KCND2: variants seen among roughly 807,000 people sequenced by gnomAD.
The protein encoded by KCND2 is potassium voltage-gated channel subfamily D member 2.
Under a neutral mutation model 54.4 loss-of-function variants are expected in KCND2, and 16 were observed. The observed-to-expected ratio is 0.29, with a 90% CI of 0.20 to 0.45. The LOEUF is 0.45. Among genes scored for constraint, KCND2 ranks in the 20% least tolerant of loss-of-function variants. The probability of loss-of-function intolerance (pLI) is 1.00; values close to 1 mark genes in which losing one functional copy is unlikely to be tolerated. For synonymous variants in KCND2, 317 were observed against 310.7 expected (o/e 1.02, Z -0.21); for missense variants, 486 against 824.2 (o/e 0.59, Z 5.02).
intron 1 of KCND2, among the ~76,000 whole-genome samples, chr7:120,502,572 C>T (rs549518059): frequency 6.6e-6 from 1 of 152,138 alleles, no homozygotes; most frequent in Admixed American, 6.6e-5. Flanking sequence ...AATACATTTC[C>T]AGCTTTGGTG....
At chr7:120,408,952 G>A (rs749341109) in intron 1 of KCND2, among the ~76,000 whole-genome samples, 1 of 151,874 alleles carries the variant, frequency 6.6e-6, no homozygotes, top group Non-Finnish European at 1.5e-5. Flanking sequence ...GAAAAAAAGA[G>A]ACAATGATAT....
At chr7:120,653,990 G>C (rs981323979) in intron 1 of KCND2, among the ~76,000 whole-genome samples, 1 of 152,112 alleles carries the variant, frequency 6.6e-6, no homozygotes, top group African/African-American at 2.4e-5. Flanking sequence ...TCTCTACCCA[G>C]CTTTAAATTG....
At chr7:120,494,757 G>T (rs907099047) in intron 1 of KCND2, among the ~76,000 whole-genome samples, 6 of 152,122 alleles carry the variant, frequency 3.9e-5, no homozygotes, top group African/African-American at 1.4e-4. Context: ...TTATTTTTCA[G>T]TGTTCTGGAC....
At chr7:120,367,564 T>TAA (rs1209549564) in intron 1 of KCND2, among the ~76,000 whole-genome samples, 1 of 141,664 alleles carries the variant, frequency 7.1e-6, no homozygotes. Flanking sequence ...AATCCATAGT[T>TAA]AAAAAAAAAA....
At chr7:120,527,059 C>T (rs1448175472) in intron 1 of KCND2, among the ~76,000 whole-genome samples, 2 of 152,032 alleles carry the variant, frequency 1.3e-5, no homozygotes, top group East Asian at 3.9e-4. Flanking sequence ...ATTATGATGG[C>T]ACTTTATCAG....
intron 1 of KCND2, among the ~76,000 whole-genome samples, chr7:120,631,665 A>G (rs1474564490): frequency 2.0e-5 from 3 of 152,162 alleles, no homozygotes; most frequent in South Asian, 4.1e-4. Flanking sequence ...TTTGAACTGC[A>G]TATTTCATCG....
At chr7:120,394,713 A>C (rs1801128419) in intron 1 of KCND2, among the ~76,000 whole-genome samples, 1 of 152,000 alleles carries the variant, frequency 6.6e-6, no homozygotes, top group Admixed American at 6.6e-5. Flanking sequence ...CCCAGGAATA[A>C]GCAAGGGAGA....
chr7:120,321,287 T>C (rs1330215089), intron 1 of KCND2, among the ~76,000 whole-genome samples: 1 of 152,138 alleles, frequency 6.6e-6, no homozygotes, highest in Non-Finnish European at 1.5e-5. Context: ...GTTTTTTCTG[T>C]ATTCATCTTT....
At chr7:120,561,585 A>G (rs928354184) in intron 1 of KCND2, among the ~76,000 whole-genome samples, 2 of 149,650 alleles carry the variant, frequency 1.3e-5, no homozygotes, top group African/African-American at 4.9e-5. Flanking sequence ...ATTCTTAAAC[A>G]TTAAGCTACC....
intron 1 of KCND2, among the ~76,000 whole-genome samples, chr7:120,322,694 G>C (rs1799908010): frequency 6.6e-6 from 1 of 151,762 alleles, no homozygotes; most frequent in Non-Finnish European, 1.5e-5. Flanking sequence ...CTGTTCTCTG[G>C]GTGTTAACTC....
At chr7:120,363,093 G>A (rs1800616660) in intron 1 of KCND2, among the ~76,000 whole-genome samples, 1 of 152,024 alleles carries the variant, frequency 6.6e-6, no homozygotes, top group Non-Finnish European at 1.5e-5. Context: ...TTGAGCTCAG[G>A]AGTTTAAGAC....
intron 1 of KCND2, among the ~76,000 whole-genome samples, chr7:120,328,597 G>A (rs1800015979): frequency 6.6e-6 from 1 of 152,084 alleles, no homozygotes; most frequent in Non-Finnish European, 1.5e-5. Flanking sequence ...AATAATGAAT[G>A]AGTGAGTGAA....
chr7:120,381,539 A>G (rs1378513668), intron 1 of KCND2, among the ~76,000 whole-genome samples: 3 of 152,094 alleles, frequency 2.0e-5, no homozygotes, highest in Non-Finnish European at 4.4e-5. Context: ...ATATAATGTG[A>G]GGAACAAAAG....
intron 1 of KCND2, among the ~76,000 whole-genome samples, chr7:120,624,828 A>G (rs1562891160): frequency 6.6e-6 from 1 of 152,100 alleles, no homozygotes; most frequent in Non-Finnish European, 1.5e-5. Context: ...AAGTCAATCA[A>G]GTATCTTCCA....
chr7:120,527,521 T>C (rs1160512352), intron 1 of KCND2, among the ~76,000 whole-genome samples: 1 of 152,076 alleles, frequency 6.6e-6, no homozygotes, highest in Non-Finnish European at 1.5e-5. Flanking sequence ...CATTGGTAGG[T>C]AATGCAGACA....
intron 1 of KCND2, among the ~76,000 whole-genome samples, chr7:120,626,409 ATG>A (rs968600000): frequency 5.4e-4 from 82 of 152,278 alleles, no homozygotes; most frequent in African/African-American, 1.8e-3. Context: ...ATTTTCGAGT[ATG>A]TATTTCTAAT....
At chr7:120,631,869 G>A (rs1793238141) in intron 1 of KCND2, among the ~76,000 whole-genome samples, 1 of 152,008 alleles carries the variant, frequency 6.6e-6, no homozygotes, top group African/African-American at 2.4e-5. Flanking sequence ...TTCTTACTAA[G>A]GAATAACAGA....
At chr7:120,504,460 T>C (rs1802985594) in intron 1 of KCND2, among the ~76,000 whole-genome samples, 2 of 151,986 alleles carry the variant, frequency 1.3e-5, no homozygotes, top group African/African-American at 4.8e-5. Flanking sequence ...ATACTGCTTC[T>C]TATTGTAAAT....
At chr7:120,565,646 T>C (rs757797441) in intron 1 of KCND2, among the ~76,000 whole-genome samples, 10 of 152,148 alleles carry the variant, frequency 6.6e-5, no homozygotes, top group Non-Finnish European at 1.3e-4. Context: ...GACACAGAGA[T>C]TCCATGGTTT....
Sources: allele counts gnomAD v4.1 joint callset (sites outside exome capture counted in the v4.1 genomes callset), GRCh38; gene constraint gnomAD v4.1.1; transcripts MANE v1.5; gene names NCBI Gene and HGNC (gene_info 2026-07-23, HGNC 2026-07-21).